NAV2: variants seen among roughly 807,000 people sequenced by gnomAD.
The protein encoded by NAV2 is helicase, APC down-regulated 1.
In NAV2, 54 loss-of-function variants were observed where a neutral mutation model predicts 223.2. The observed-to-expected ratio is 0.24, with a 90% CI of 0.19 to 0.30. NAV2 has a LOEUF of 0.30. Among genes scored for constraint, NAV2 ranks in the 10% least tolerant of loss-of-function variants. NAV2 has a pLI of 1.00. For missense variants in NAV2, 2,806 were observed against 3,147.5 expected, an observed-to-expected ratio of 0.89 and a Z score of 2.60; for synonymous variants, 1,279 against 1,239.3, an observed-to-expected ratio of 1.03 and a Z score of -0.67.
Position 19,655,704 on chromosome 11 carries a change from G to A in NAV2, c.76-176780G>A, listed in dbSNP as rs183762572. Among the ~76,000 whole-genome samples the A allele has an allele frequency of 6.1e-4, 82 of 134,048 alleles. No individual in the cohort carries two copies. The East Asian group carries it at 0.015, about 25-fold the overall frequency. The allele number at this position is 134,048 out of a possible 152,430, so 87.9% of individuals were successfully genotyped here. ...GGGAATTGAACAATGAGAACACATG[G>A]ATACAGGAAGGGGAACATCACACAC... is the stretch of plus-strand genomic sequence containing the variant. On this transcript the variant is annotated intron_variant, in intron 1 of 37. Transcript: ENST00000360655.
At chr11:19,539,310 A>G (rs1207870996) in intron 1 of NAV2, among the ~76,000 whole-genome samples, 1 of 152,194 alleles carries the variant, frequency 6.6e-6, no homozygotes, top group Non-Finnish European at 1.5e-5. Flanking sequence ...TGATCTATCC[A>G]AGAAGAAGAT....
chr11:19,932,271 G>GAAAAAAAAAA (rs1174131777), intron 6 of NAV2, among the ~76,000 whole-genome samples: 1 of 107,028 alleles, frequency 9.3e-6, no homozygotes, highest in Non-Finnish European at 2.0e-5. Flanking sequence ...GAAAGAAAAG[G>GAAAAAAAAAA]AAAAAAAAAA....
chr11:19,987,796 C>T (rs1208001668), intron 11 of NAV2, among the ~76,000 whole-genome samples: 5 of 152,166 alleles, frequency 3.3e-5, no homozygotes, highest in Non-Finnish European at 7.4e-5. Context: ...CAGGTTTTTC[C>T]TGATAGTGAT....
chr11:19,921,497 A>T (rs2044268457), intron 6 of NAV2, among the ~76,000 whole-genome samples: 2 of 152,376 alleles, frequency 1.3e-5, no homozygotes, highest in South Asian at 4.1e-4. Context: ...CTGGAGGGAA[A>T]CATTGTCTTT....
At chr11:20,067,252 C>A (rs1165836647) in intron 20 of NAV2, among the ~76,000 whole-genome samples, 1 of 152,042 alleles carries the variant, frequency 6.6e-6, no homozygotes, top group Non-Finnish European at 1.5e-5. Flanking sequence ...GCTCCCAAAC[C>A]CCCCTCACTT....
intron 10 of NAV2, among the ~76,000 whole-genome samples, chr11:19,963,832 C>T (rs2048541054): frequency 6.6e-6 from 1 of 152,180 alleles, no homozygotes; most frequent in Non-Finnish European, 1.5e-5. Flanking sequence ...TGCTCAGAGG[C>T]AGGAAAGTTC....
intron 3 of NAV2, among the ~76,000 whole-genome samples, chr11:19,868,141 G>A (rs2153044516): frequency 6.6e-6 from 1 of 152,310 alleles, no homozygotes; most frequent in South Asian, 2.1e-4. Flanking sequence ...AATGCAAATT[G>A]TGTGAAATTC....
At chr11:19,989,640 C>A (rs1156286263) in intron 11 of NAV2, among the ~76,000 whole-genome samples, 6 of 152,156 alleles carry the variant, frequency 3.9e-5, no homozygotes, top group Non-Finnish European at 8.8e-5. Context: ...GTAATAGTTG[C>A]CATTTCCTGA....
intron 1 of NAV2, among the ~76,000 whole-genome samples, chr11:19,812,397 T>C (rs188020789): frequency 6.6e-6 from 1 of 152,204 alleles, no homozygotes; most frequent in African/African-American, 2.4e-5. Context: ...CTTCATAGCA[T>C]TTATTATTCT....
chr11:19,450,381 G>A (rs1195782732), intron 1 of NAV2, among the ~76,000 whole-genome samples: 1 of 152,162 alleles, frequency 6.6e-6, no homozygotes, highest in Non-Finnish European at 1.5e-5. Context: ...GAGCCATGGA[G>A]TGCTGGATGA....
intron 14 of NAV2, among the ~76,000 whole-genome samples, chr11:20,047,397 T>C (rs1236114553): frequency 6.6e-6 from 1 of 152,222 alleles, no homozygotes; most frequent in Non-Finnish European, 1.5e-5. Flanking sequence ...CTTTGGTGAA[T>C]TTGATAGATA....
intron 1 of NAV2, among the ~76,000 whole-genome samples, chr11:19,683,994 A>T (rs959112928): frequency 6.6e-6 from 1 of 152,168 alleles, no homozygotes; most frequent in African/African-American, 2.4e-5. Context: ...TTAATTTTTA[A>T]AATTTCCTTA....
intron 1 of NAV2, among the ~76,000 whole-genome samples, chr11:19,543,679 T>C (rs1319852219): frequency 6.6e-6 from 1 of 152,230 alleles, no homozygotes; most frequent in East Asian, 1.9e-4. Context: ...TGAAAATACC[T>C]ACCTCCCTTC....
At chr11:19,988,145 T>C (rs1009727884) in intron 11 of NAV2, among the ~76,000 whole-genome samples, 1 of 152,224 alleles carries the variant, frequency 6.6e-6, no homozygotes, top group Non-Finnish European at 1.5e-5. Flanking sequence ...ATCTCTTTCT[T>C]GGTGACTGCA....
intron 22 of NAV2, among the ~76,000 whole-genome samples, chr11:20,070,936 T>C (rs2059361771): frequency 6.6e-6 from 1 of 152,192 alleles, no homozygotes. Context: ...AATAGCAGTC[T>C]TCATGGGGTC....
intron 1 of NAV2, among the ~76,000 whole-genome samples, chr11:19,689,861 G>T (rs1590094699): frequency 2.6e-5 from 4 of 152,196 alleles, no homozygotes; most frequent in Admixed American, 2.0e-4. Flanking sequence ...AGATTGCCAT[G>T]GTTGCCAGAT....
chr11:20,016,023 G>C (rs2568128), intron 11 of NAV2, among the ~76,000 whole-genome samples: 152,017 of 152,358 alleles, frequency 1, 75,842 homozygotes, highest in Middle Eastern at 1. Context: ...TTCTCTGAGC[G>C]CCGGTTTCTT....
intron 1 of NAV2, among the ~76,000 whole-genome samples, chr11:19,610,239 CA>C (rs1466841965): frequency 1.3e-5 from 2 of 152,176 alleles, no homozygotes; most frequent in African/African-American, 2.4e-5. Flanking sequence ...TCAATTCAAT[CA>C]TTTTTTTTCT....
chr11:19,859,257 C>T (rs887061403), intron 3 of NAV2, among the ~76,000 whole-genome samples: 1 of 144,254 alleles, frequency 6.9e-6, no homozygotes, highest in Non-Finnish European at 1.5e-5. Context: ...GAACAAAGGT[C>T]TCTGGTTTTC....
Sources: gnomAD v4.1 joint callset for allele counts (sites outside exome capture counted in the v4.1 genomes callset) on GRCh38, gnomAD v4.1.1 for gene constraint, MANE v1.5 for transcripts, NCBI Gene and HGNC (gene_info 2026-07-23, HGNC 2026-07-21) for gene names.